Variants in PTPRC observed in about 807,000 individuals in gnomAD.
PTPRC encodes receptor-type tyrosine-protein phosphatase C.
Under a neutral mutation model 155.9 loss-of-function variants are expected in PTPRC, and 44 were observed. That is an observed-to-expected ratio of 0.28 (90% CI 0.22 to 0.36). The LOEUF (loss-of-function observed/expected upper bound fraction) is 0.36, where lower values mean the gene tolerates loss of function less well. Ranked by LOEUF, PTPRC falls within the 10% of genes least tolerant of loss-of-function variation. The pLI, the probability that PTPRC is intolerant of heterozygous loss-of-function variation, is 1.00. For synonymous variants in PTPRC, 525 were observed against 533.1 expected (o/e 0.98, Z 0.21); for missense variants, 1,401 against 1,564.6 (o/e 0.90, Z 1.76).
intron 2 of PTPRC, among the ~76,000 whole-genome samples, chr1:198,680,351 G>A (rs1254557774): frequency 2.0e-5 from 3 of 151,952 alleles, no homozygotes; most frequent in Non-Finnish European, 4.4e-5. Context: ...TACTCAGGAG[G>A]CTGAGGCAGG....
intron 5 of PTPRC, among the ~76,000 whole-genome samples, chr1:198,700,305 A>G (rs769982530): frequency 9.9e-5 from 15 of 152,188 alleles, no homozygotes. Flanking sequence ...TGCAAGAAAA[A>G]CAAGTATGTC....
chr1:198,692,834 A>T, intron 3 of PTPRC: 3 of 900,662 alleles, frequency 3.3e-6, no homozygotes, highest in Non-Finnish European at 4.0e-6. Flanking sequence ...CTTTGAGACT[A>T]TTGAGATATT....
intron 2 of PTPRC, among the ~76,000 whole-genome samples, chr1:198,658,022 G>T (rs1324943782): frequency 1.3e-5 from 2 of 152,162 alleles, no homozygotes; most frequent in Non-Finnish European, 2.9e-5. Flanking sequence ...CCAGGGGAGA[G>T]ATGTGGAGCA....
intron 23 of PTPRC, among the ~76,000 whole-genome samples, chr1:198,736,975 A>G (rs946771127): frequency 6.6e-6 from 1 of 151,634 alleles, no homozygotes; most frequent in African/African-American, 2.4e-5. Flanking sequence ...TCTGTTTACC[A>G]TTTGTATGTC....
chr1:198,669,069 G>C (rs1664497740), intron 2 of PTPRC, among the ~76,000 whole-genome samples: 1 of 152,208 alleles, frequency 6.6e-6, no homozygotes, highest in African/African-American at 2.4e-5. Context: ...AATGGTAATA[G>C]TTACAAAGGA....
intron 23 of PTPRC, among the ~76,000 whole-genome samples, chr1:198,739,327 A>G (rs1425213733): frequency 6.6e-6 from 1 of 151,840 alleles, no homozygotes; most frequent in African/African-American, 2.4e-5. Context: ...TCTGTTGCTT[A>G]CAAGAAACAT....
intron 23 of PTPRC, 132 bp downstream of exon 23, chr1:198,735,384 G>A: frequency 1.1e-6 from 1 of 870,284 alleles, no homozygotes; most frequent in South Asian, 2.0e-5. Flanking sequence ...GAAAGCTGTG[G>A]TTAGAACAAT....
chr1:198,676,511 T>A (rs1664961522), intron 2 of PTPRC, among the ~76,000 whole-genome samples: 1 of 152,176 alleles, frequency 6.6e-6, no homozygotes, highest in African/African-American at 2.4e-5. Flanking sequence ...GGATTTGTTC[T>A]GAGCTGTTTA....
intron 27 of PTPRC, among the ~76,000 whole-genome samples, 172 bp downstream of exon 27, chr1:198,748,371 TAA>T (rs1208071252): frequency 1.3e-5 from 2 of 151,876 alleles, no homozygotes; most frequent in African/African-American, 4.8e-5. Flanking sequence ...CAAGAACTTA[TAA>T]TCCTGAACAT....
intron 2 of PTPRC, among the ~76,000 whole-genome samples, chr1:198,640,283 A>T (rs774976215): frequency 6.6e-6 from 1 of 152,012 alleles, no homozygotes; most frequent in Non-Finnish European, 1.5e-5. Context: ...TGAAAATAAA[A>T]TTTTTGTAGA....
intron 28 of PTPRC, 68 bp from the exon 29 acceptor site, chr1:198,750,424 G>A (rs896398300): frequency 1.3e-6 from 2 of 1,501,852 alleles, no homozygotes; most frequent in East Asian, 4.5e-5. Flanking sequence ...TTTCCAAATG[G>A]TTACTTTAAG....
chr1:198,716,794 A>G lies in PTPRC; in HGVS notation c.1404A>G (p.Gln468=), dbSNP rs767370141. The G allele has an allele frequency of 1.1e-5, 18 of 1,613,540 alleles. No individual in the cohort carries two copies. The South Asian group carries it at 1.4e-4, about 13-fold the overall frequency. ...ATGCCTACATCATTGCAAAAGTGCA[A>G]CGTAATGGAAGTGCTGCAATGTGTC... is the stretch of plus-strand genomic sequence containing the variant. ...SLHAYIIAKV[Q]RNGSAAMCHF... The change falls in exon 13 of 33, where the codon CAA becomes CAG. Residue 468 remains glutamine (Q), a synonymous_variant. Coordinates refer to ENST00000442510, the MANE Select transcript of PTPRC (RefSeq NM_002838.5).
At chr1:198,670,443 C>G (rs1316666507) in intron 2 of PTPRC, among the ~76,000 whole-genome samples, 1 of 152,050 alleles carries the variant, frequency 6.6e-6, no homozygotes, top group African/African-American at 2.4e-5. Context: ...TAGCTTGGGA[C>G]ACATTAATAA....
At chr1:198,667,849 G>A (rs1170419263) in intron 2 of PTPRC, among the ~76,000 whole-genome samples, 1 of 152,210 alleles carries the variant, frequency 6.6e-6, no homozygotes, top group Admixed American at 6.5e-5. Flanking sequence ...TCAATAGGTA[G>A]TAGCTGTGTC....
At chr1:198,715,199 T>G (rs1176071461) in intron 12 of PTPRC, among the ~76,000 whole-genome samples, 1 of 152,144 alleles carries the variant, frequency 6.6e-6, no homozygotes, top group Admixed American at 6.5e-5. Flanking sequence ...CTCGGCTCAC[T>G]GCAAGCTCCG....
chr1:198,726,862 TTTCC>T (rs1246804565), intron 15 of PTPRC, among the ~76,000 whole-genome samples: 4 of 149,214 alleles, frequency 2.7e-5, no homozygotes, highest in Non-Finnish European at 6.0e-5. Flanking sequence ...TTTTCTTTTC[TTTCC>T]TTTTTTTTTT....
At chr1:198,697,379 T>C (rs1666255329) in intron 4 of PTPRC, among the ~76,000 whole-genome samples, 2 of 152,208 alleles carry the variant, frequency 1.3e-5, no homozygotes, top group African/African-American at 4.8e-5. Context: ...AAATCCACTC[T>C]GAGAATCGAC....
chr1:198,738,218 G>C (rs1654737225), intron 23 of PTPRC, among the ~76,000 whole-genome samples: 1 of 151,748 alleles, frequency 6.6e-6, no homozygotes, highest in Non-Finnish European at 1.5e-5. Flanking sequence ...GGGCATCCTT[G>C]TCTTTATCCA....
Position 198,709,757 on chromosome 1 carries a change from C to T in PTPRC, c.1104C>T (p.Asp368=), listed in dbSNP as rs778875371. 1 of 1,611,578 alleles carries T rather than the reference C, an allele frequency of 6.2e-7. No homozygotes were observed. The highest frequency in any genetic ancestry group is 8.5e-7 in the Non-Finnish European group (1 of 1,178,904). Residue 368 remains aspartate (D), a synonymous_variant, in exon 11 of 33, where the codon GAC becomes GAT. Coordinates refer to ENST00000442510, the MANE Select transcript of PTPRC (RefSeq NM_002838.5). ...NLEPEHEYKC[D]SEILYNNHKF... is the part of the protein sequence containing the mutation. ...AACCCGAACATGAGTATAAGTGTGA[C>T]TCAGAAATACTCTATAATAACCACA... is the stretch of plus-strand genomic sequence containing the variant.
Sources: gnomAD v4.1 joint callset for allele counts (sites outside exome capture counted in the v4.1 genomes callset) on GRCh38, gnomAD v4.1.1 for gene constraint, MANE v1.5 for transcripts, NCBI Gene and HGNC (gene_info 2026-07-23, HGNC 2026-07-21) for gene names.